SAMMSON: variants seen among roughly 807,000 people sequenced by gnomAD.
SAMMSON encodes long intergenic non-protein coding RNA 1212.
chr3:70,382,427 GA>G (rs1027695487), intron 9 of SAMMSON, among the ~76,000 whole-genome samples: 14 of 152,208 alleles, frequency 9.2e-5, no homozygotes, highest in African/African-American at 3.4e-4. Flanking sequence ...CCTCTTAGGG[GA>G]TATTTTGCAA....
intron 4 of SAMMSON, among the ~76,000 whole-genome samples, chr3:70,104,266 T>C (rs780621041): frequency 5.4e-5 from 7 of 130,608 alleles, no homozygotes; most frequent in Non-Finnish European, 9.4e-5. Flanking sequence ...AAACCTCGTG[T>C]TTTTTTTTTT....
At chr3:70,300,923 A>G (rs1410853656) in intron 7 of SAMMSON, among the ~76,000 whole-genome samples, 1 of 152,028 alleles carries the variant, frequency 6.6e-6, no homozygotes, top group Non-Finnish European at 1.5e-5. Context: ...AAAAAAAGTC[A>G]AGAAAGCCGT....
chr3:70,135,575 A>G (rs1401898086), intron 4 of SAMMSON, among the ~76,000 whole-genome samples: 3 of 152,212 alleles, frequency 2.0e-5, no homozygotes, highest in African/African-American at 7.2e-5. Flanking sequence ...TGATTGATGC[A>G]TATTTTCTGT....
At chr3:70,014,621 C>T (rs901922424) in intron 3 of SAMMSON, 2 of 152,204 alleles carry the variant, frequency 1.3e-5, no homozygotes, top group African/African-American at 2.4e-5. Flanking sequence ...TGCCTATCTA[C>T]TCCATGGAAT....
At chr3:70,320,530 T>C (rs1236460291) in intron 7 of SAMMSON, among the ~76,000 whole-genome samples, 1 of 152,106 alleles carries the variant, frequency 6.6e-6, no homozygotes, top group Non-Finnish European at 1.5e-5. Flanking sequence ...CCTTACTCTA[T>C]ACTTTCATTT....
intron 7 of SAMMSON, chr3:70,292,046 G>A: frequency 6.6e-6 from 1 of 152,264 alleles, no homozygotes; most frequent in Admixed American, 6.5e-5. Flanking sequence ...CTTCAAGAAG[G>A]TAAACATGAT....
chr3:70,335,136 C>A (rs913716695), intron 7 of SAMMSON, among the ~76,000 whole-genome samples: 3 of 151,468 alleles, frequency 2.0e-5, no homozygotes, highest in Non-Finnish European at 4.4e-5. Context: ...GATAAGTAAA[C>A]ACGTAGCACA....
intron 4 of SAMMSON, among the ~76,000 whole-genome samples, chr3:70,082,419 G>T (rs1272205006): frequency 6.6e-6 from 1 of 152,180 alleles, no homozygotes; most frequent in Non-Finnish European, 1.5e-5. Flanking sequence ...CTGCAGAAAT[G>T]ACATTTAATC....
intron 4 of SAMMSON, among the ~76,000 whole-genome samples, chr3:70,096,433 A>G (rs2067323137): frequency 6.6e-6 from 1 of 152,116 alleles, no homozygotes; most frequent in South Asian, 2.1e-4. Context: ...AGTTCCAGCT[A>G]CTCAGGAGAC....
At chr3:70,368,712 G>A (rs1227338157) in intron 9 of SAMMSON, among the ~76,000 whole-genome samples, 7 of 151,460 alleles carry the variant, frequency 4.6e-5, no homozygotes, top group Admixed American at 2.0e-4. Flanking sequence ...TCTCTGTTAT[G>A]TTCTGTTGAT....
At chr3:70,125,546 G>C in intron 4 of SAMMSON, 3 of 696,320 alleles carry the variant, frequency 4.3e-6, no homozygotes, top group Non-Finnish European at 7.8e-6. Flanking sequence ...TCCTATACTG[G>C]ATGCATCAGC....
intron 4 of SAMMSON, among the ~76,000 whole-genome samples, chr3:70,207,091 C>T (rs922359073): frequency 6.8e-6 from 1 of 147,500 alleles, no homozygotes; most frequent in Admixed American, 6.8e-5. Context: ...TCACTTGGAT[C>T]AACAAAATCT....
intron 6 of SAMMSON, among the ~76,000 whole-genome samples, chr3:70,262,562 T>C (rs896222683): frequency 6.6e-6 from 1 of 152,144 alleles, no homozygotes; most frequent in African/African-American, 2.4e-5. Context: ...ATAAAGGAAT[T>C]TTGAAGTTAT....
Position 70,336,437 on chromosome 3 carries a change from T to G in SAMMSON, n.740-17738T>G, listed in dbSNP as rs1171665940. Among the ~76,000 whole-genome samples the G allele has an allele frequency of 2.0e-5, 3 of 152,144 alleles. No individual in the cohort carries two copies. The East Asian group carries it at 5.8e-4, about 29-fold the overall frequency. ...CTCTAAAGTTATACAAGGATTTACT[T>G]CCTTTCCTGAGATTTCCGTGTAACA... On this transcript the variant is annotated intron_variant and non_coding_transcript_variant, in intron 7 of 9. Transcript: ENST00000642114.
At chr3:70,041,095 A>G (rs2067104765) in intron 3 of SAMMSON, among the ~76,000 whole-genome samples, 1 of 152,184 alleles carries the variant, frequency 6.6e-6, no homozygotes, top group Admixed American at 6.5e-5. Flanking sequence ...TAAGGCTCCA[A>G]TTTATTTGCA....
At chr3:70,433,274 A>G (rs979640672) in intron 2 of SAMMSON, among the ~76,000 whole-genome samples, 2 of 152,130 alleles carry the variant, frequency 1.3e-5, no homozygotes, top group Non-Finnish European at 2.9e-5. Flanking sequence ...TTGCATTCCT[A>G]CAAGAAATGA....
intron 4 of SAMMSON, chr3:70,205,475 T>A (rs966745471): frequency 5.3e-5 from 8 of 152,122 alleles, no homozygotes; most frequent in Non-Finnish European, 2.9e-5. Context: ...CCTTACTTTC[T>A]AAAAATGTAA....
At chr3:70,007,751 A>G (rs899056668) in intron 1 of SAMMSON, among the ~76,000 whole-genome samples, 14 of 151,712 alleles carry the variant, frequency 9.2e-5, no homozygotes, top group Admixed American at 4.6e-4. Flanking sequence ...TATTGCTTAG[A>G]TTTTCTTCTA....
chr3:70,017,203 T>G (rs2066989793), intron 3 of SAMMSON, among the ~76,000 whole-genome samples: 1 of 152,204 alleles, frequency 6.6e-6, no homozygotes, highest in South Asian at 2.1e-4. Context: ...ACGATATTGA[T>G]TCTTCCTACC....
Sources: gnomAD v4.1 joint callset for allele counts (sites outside exome capture counted in the v4.1 genomes callset) on GRCh38, gnomAD v4.1.1 for gene constraint, MANE v1.5 for transcripts, NCBI Gene and HGNC (gene_info 2026-07-23, HGNC 2026-07-21) for gene names.